ACTR3C: variants seen among roughly 807,000 people sequenced by gnomAD.
The protein encoded by ACTR3C is actin-related protein 3C.
In ACTR3C, 18 loss-of-function variants were observed where a neutral mutation model predicts 26.3. The observed-to-expected ratio is 0.68, with a 90% confidence interval of 0.47 to 1.01. The LOEUF is 1.01. ACTR3C is among the 50% of genes least tolerant of loss of function. The pLI is 0.00. For missense variants in ACTR3C, 184 were observed against 250.7 expected, an observed-to-expected ratio of 0.73 and a Z score of 1.80; for synonymous variants, 55 against 94.5, an observed-to-expected ratio of 0.58 and a Z score of 2.42.
chr7:150,004,172 TG>T, the ACTR3C span, among the ~76,000 whole-genome samples: 1 of 151,806 alleles, frequency 6.6e-6, no homozygotes, highest in Non-Finnish European at 1.5e-5. Context: ...GTGTGTATGA[TG>T]TATGATGTCA....
chr7:150,284,091 C>T (rs1835565877), intron 6 of ACTR3C, among the ~76,000 whole-genome samples: 1 of 152,078 alleles, frequency 6.6e-6, no homozygotes, highest in African/African-American at 2.4e-5. Context: ...ACCACATTGG[C>T]ACCAAACCCA....
the ACTR3C span, among the ~76,000 whole-genome samples, chr7:150,025,478 C>T: frequency 2.7e-5 from 4 of 150,892 alleles, no homozygotes; most frequent in Non-Finnish European, 5.9e-5. Context: ...CCTTGTATCA[C>T]ACAGGGAAGT....
At chr7:149,937,108 G>T in the ACTR3C span, among the ~76,000 whole-genome samples, 2 of 151,774 alleles carry the variant, frequency 1.3e-5, no homozygotes, top group South Asian at 2.1e-4. Context: ...TTTTTAATCT[G>T]CAATATAGAC....
intron 6 of ACTR3C, among the ~76,000 whole-genome samples, chr7:150,262,556 G>C (rs1833725591): frequency 6.6e-6 from 1 of 152,218 alleles, no homozygotes; most frequent in Non-Finnish European, 1.5e-5. Flanking sequence ...CATGAAATGA[G>C]ATTTTAGGCA....
chr7:150,128,012 C>G, the ACTR3C span, among the ~76,000 whole-genome samples: 1 of 149,142 alleles, frequency 6.7e-6, no homozygotes, highest in Non-Finnish European at 1.5e-5. Context: ...TAATACAATA[C>G]TGAGGCTCAG....
chr7:149,890,803 T>C, the ACTR3C span: 13 of 176,818 alleles, frequency 7.4e-5, no homozygotes, highest in Non-Finnish European at 1.5e-4. Flanking sequence ...AAAGGGTCTC[T>C]AAATTCTTAA....
the ACTR3C span, among the ~76,000 whole-genome samples, chr7:150,152,183 A>G: frequency 3.3e-5 from 5 of 152,190 alleles, no homozygotes; most frequent in African/African-American, 1.2e-4. Flanking sequence ...TATGTTGAAT[A>G]GGAGTGGTGA....
At chr7:149,951,440 T>C in the ACTR3C span, among the ~76,000 whole-genome samples, 2 of 147,882 alleles carry the variant, frequency 1.4e-5, no homozygotes, top group Admixed American at 6.6e-5. Context: ...GGCTGGGCTA[T>C]ATTTCTTTCT....
At chr7:150,128,128 C>T in the ACTR3C span, among the ~76,000 whole-genome samples, 2 of 146,062 alleles carry the variant, frequency 1.4e-5, no homozygotes, top group Admixed American at 6.8e-5. Context: ...AGTATTAGTG[C>T]CTGGAGTGAC....
the ACTR3C span, among the ~76,000 whole-genome samples, chr7:150,126,599 G>A: frequency 7.2e-5 from 11 of 152,300 alleles, no homozygotes; most frequent in Middle Eastern, 3.4e-3. Context: ...GGTGCAAGTG[G>A]CTTACCTGAA....
At chr7:150,263,970 C>G (rs936818819) in intron 6 of ACTR3C, among the ~76,000 whole-genome samples, 1 of 152,224 alleles carries the variant, frequency 6.6e-6, no homozygotes. Flanking sequence ...CTATGCTGAG[C>G]TCTCAGCGGG....
the ACTR3C span, among the ~76,000 whole-genome samples, chr7:150,231,641 C>A: frequency 5.9e-5 from 9 of 151,404 alleles, no homozygotes; most frequent in East Asian, 1.5e-3. Context: ...CTACACTAAA[C>A]CAGTTAAGAC....
At chr7:150,110,857 T>C in the ACTR3C span, among the ~76,000 whole-genome samples, 1 of 86,870 alleles carries the variant, frequency 1.2e-5, no homozygotes, top group African/African-American at 5.6e-5. Context: ...GGTGTGGCTC[T>C]TAGGGGTGGG....
At chr7:150,079,352 C>T in the ACTR3C span, among the ~76,000 whole-genome samples, 1 of 152,166 alleles carries the variant, frequency 6.6e-6, no homozygotes, top group Non-Finnish European at 1.5e-5. Flanking sequence ...TTCCTGTCCT[C>T]GTCCACTAAA....
the ACTR3C span, among the ~76,000 whole-genome samples, chr7:150,117,291 G>T: frequency 2.6e-5 from 4 of 152,208 alleles, no homozygotes; most frequent in African/African-American, 9.6e-5. Context: ...CTTGCTCAGC[G>T]GAGCCCATCT....
the ACTR3C span, among the ~76,000 whole-genome samples, chr7:150,140,487 C>T: frequency 6.6e-6 from 1 of 152,034 alleles, no homozygotes; most frequent in Non-Finnish European, 1.5e-5. Flanking sequence ...AAGTAAGAGT[C>T]GATCAGTGCG....
At chr7:149,884,594 TAA>T in the ACTR3C span, among the ~76,000 whole-genome samples, 3 of 145,628 alleles carry the variant, frequency 2.1e-5, no homozygotes, top group Admixed American at 6.9e-5. Flanking sequence ...TTTGTCAACT[TAA>T]AAAAAAAAAA....
rs1392503219 is a variant in ACTR3C, at chr7:150,248,936, T to A, written c.*38+12A>T. On this transcript the variant is annotated intron_variant, in intron 7 of 7. Transcript: ENST00000683684. ...TAGAGCCTAGAATTAAAAATGAAAA[T>A]CATGAGAATACCTCAAATAAAAGGC... 5.7e-6 allele frequency: 3 copies of A among 522,044 alleles called. No homozygotes were observed. The highest frequency in any genetic ancestry group is 1.0e-5 in the Non-Finnish European group (3 of 289,916). 32.3% of individuals were successfully genotyped at this position (522,044 alleles called of 1,614,324 possible).
In ACTR3C at chr7:150,295,240, A is replaced by G. The variant is rs751264316; in HGVS notation, c.45+12T>C. On this transcript the variant is annotated intron_variant, in intron 2 of 7. Coordinates refer to ENST00000683684, the MANE Select transcript of ACTR3C (RefSeq NM_001164458.2). The stretch of plus-strand genomic sequence containing the variant: ...CAGGTGCTTTAGGAATCACAAACAT[A>G]ACTGGTTTTACCTGAACTGCAATGT... 25 of 1,613,734 alleles carry G rather than the reference A, an allele frequency of 1.5e-5. 1 individual carries two copies. In the South Asian group the frequency reaches 2.3e-4, roughly 15 times the overall value.
Sources: allele counts gnomAD v4.1 joint callset (sites outside exome capture counted in the v4.1 genomes callset), GRCh38; gene constraint gnomAD v4.1.1; transcripts MANE v1.5; gene names NCBI Gene and HGNC (gene_info 2026-07-23, HGNC 2026-07-21).